The following TNNC2 variants were observed in gnomAD, a reference collection of about 807,000 sequenced individuals.
TNNC2 encodes troponin C2, fast skeletal type, also known as troponin C, skeletal muscle.
In TNNC2, 14 loss-of-function variants were observed where a neutral mutation model predicts 20.0. The observed-to-expected ratio is 0.70, with a 90% confidence interval of 0.46 to 1.09. TNNC2 has a LOEUF of 1.09. Among genes scored for constraint, TNNC2 ranks in the 50% least tolerant of loss-of-function variants. The pLI, the probability that TNNC2 is intolerant of heterozygous loss-of-function variation, is 0.00. For missense variants in TNNC2, 163 were observed against 223.8 expected (o/e 0.73, Z 1.73); for synonymous variants, 81 against 77.3 (o/e 1.05, Z -0.25).
chr20:45,829,160 GTTTTT>G (rs57079984), upstream of TNNC2, among the ~76,000 whole-genome samples: 3 of 98,282 alleles, frequency 3.1e-5, no homozygotes, highest in Admixed American at 2.5e-4. Flanking sequence ...TTTGTTTTTG[GTTTTT>G]TTTTTTTTTT....
At chr20:45,831,051 G>A (rs1451839248), upstream of TNNC2, among the ~76,000 whole-genome samples, 1 of 152,130 alleles carries the variant, frequency 6.6e-6, no homozygotes, top group East Asian at 1.9e-4. Context: ...CACATTGGGA[G>A]GCAGAGGTAG....
At chr20:45,830,388 C>T (rs1983081518), upstream of TNNC2, among the ~76,000 whole-genome samples, 1 of 151,178 alleles carries the variant, frequency 6.6e-6, no homozygotes, top group Non-Finnish European at 1.5e-5. Context: ...TTCTATGAAC[C>T]TTCAAGCCTT....
chr20:45,829,306 A>C (rs2145729214), upstream of TNNC2, among the ~76,000 whole-genome samples: 1 of 152,018 alleles, frequency 6.6e-6, no homozygotes, highest in South Asian at 2.1e-4. Flanking sequence ...CCGGAATTAC[A>C]GGCATGAGCC....
intron 1 of TNNC2, among the ~76,000 whole-genome samples, chr20:45,825,723 C>T (rs1011288752): frequency 3.9e-5 from 6 of 152,032 alleles, no homozygotes; most frequent in African/African-American, 1.2e-4. Context: ...GGGGTTCAAG[C>T]GATTCTTCTC....
upstream of TNNC2, among the ~76,000 whole-genome samples, chr20:45,831,263 C>A (rs1377845443): frequency 1.3e-5 from 2 of 151,972 alleles, no homozygotes. Context: ...TCCAGCCTCA[C>A]AACAGAGTGA....
upstream of TNNC2, among the ~76,000 whole-genome samples, chr20:45,831,565 A>T (rs920809802): frequency 6.6e-6 from 1 of 152,120 alleles, no homozygotes; most frequent in Non-Finnish European, 1.5e-5. Flanking sequence ...AGAGTGTGCC[A>T]TTGGACTCCA....
chr20:45,833,301 C>T (rs996362550), exon 2 of TNNC2: 1 of 152,376 alleles, frequency 6.6e-6, no homozygotes, highest in East Asian at 1.9e-4. Flanking sequence ...GTGTGAGGTT[C>T]AAATCAGATT....
Position 45,823,390 on chromosome 20 carries a change from G to A in TNNC2, c.452-11C>T. 6.3e-7 allele frequency: 1 copy of A among 1,591,150 alleles called. No individual in the cohort carries two copies. Among genetic ancestry groups the A allele is most frequent in the Non-Finnish European group, 8.6e-7 (1 of 1,169,268 alleles). ...TCATCTTCAGGAACTCTGAGGGAAAGGAGAGGGAGAGGGTCAGGGGTCCCA... is the reference window on the plus strand; with the variant it reads ...TCATCTTCAGGAACTCTGAGGGAAAAGAGAGGGAGAGGGTCAGGGGTCCCA... On this transcript the variant is annotated splice_polypyrimidine_tract_variant and intron_variant, in intron 5 of 5. Coordinates refer to ENST00000372555, the MANE Select transcript of TNNC2 (RefSeq NM_003279.3). The surrounding 1 kb of genome is among the most constrained non-coding windows in gnomAD (Gnocchi z 4.6).
upstream of TNNC2, among the ~76,000 whole-genome samples, chr20:45,828,197 C>CTTT (rs10630967): frequency 0.41 from 57,682 of 141,848 alleles, 13,497 homozygotes; most frequent in Non-Finnish European, 0.53. Flanking sequence ...CCACCCCTGG[C>CTTT]TTTTTTTTTT....
At chr20:45,827,105 C>T in intron 1 of TNNC2, 141 bp downstream of exon 1, 4 of 1,072,158 alleles carry the variant, frequency 3.7e-6, no homozygotes, top group Middle Eastern at 4.1e-4. Flanking sequence ...AGGCCTTCCT[C>T]CAAGACACCT....
At position 45,823,304 on chromosome 20, in the gene TNNC2, C is replaced by T. The variant is rs188125171; in HGVS notation, c.*44G>A. ...GGACCCGGCAGGGCGGAGTCTCCCA[C>T]ACCCTAGGGACACGCGATCTTGGTA... On this transcript the variant is annotated 3_prime_UTR_variant, in exon 6 of 6. Transcript: ENST00000372555. The surrounding 1 kb of genome is among the most constrained non-coding windows in gnomAD (Gnocchi z 4.6). 3.5e-3 allele frequency: 5,456 copies of T among 1,546,374 alleles called. 17 individuals are homozygous for T. The highest frequency in any genetic ancestry group is 3.9e-3 in the Non-Finnish European group (4,408 of 1,144,076).
chr20:45,825,304 T>C (rs1982938344), intron 1 of TNNC2, among the ~76,000 whole-genome samples: 1 of 150,172 alleles, frequency 6.7e-6, no homozygotes, highest in Non-Finnish European at 1.5e-5. Flanking sequence ...TTTTTGCTTT[T>C]TGTTTTTGTG....
At chr20:45,825,269 G>A (rs1204829687) in intron 1 of TNNC2, among the ~76,000 whole-genome samples, 1 of 151,998 alleles carries the variant, frequency 6.6e-6, no homozygotes, top group African/African-American at 2.4e-5. Context: ...GAGCCACTGT[G>A]CCCAGCTTCT....
chr20:45,832,466 C>T (rs1403891717), intron 2 of TNNC2, among the ~76,000 whole-genome samples: 2 of 152,164 alleles, frequency 1.3e-5, no homozygotes, highest in South Asian at 2.1e-4. Flanking sequence ...ACAGCCTCTT[C>T]CCCAGGACGC....
chr20:45,824,220 G>A (rs543690487), intron 4 of TNNC2, 72 bp downstream of exon 4: 1 of 1,600,908 alleles, frequency 6.2e-7, no homozygotes, highest in Admixed American at 1.7e-5. Context: ...CCCAACACGG[G>A]GAAGCTTCCA....
rs1453823599 is a variant in TNNC2 at position 45,823,836 on chromosome 20, C to T, written c.451+155G>A. ...ATAAACTGCACAGAGTCGTGGAGCGCTTCTATACCTGCCCCCAGGAGACTA... is the reference window on the plus strand; with the variant it reads ...ATAAACTGCACAGAGTCGTGGAGCGTTTCTATACCTGCCCCCAGGAGACTA... On this transcript the variant is annotated intron_variant, in intron 5 of 5. Transcript: ENST00000372555. The surrounding 1 kb of genome is among the most constrained non-coding windows in gnomAD (Gnocchi z 4.6). 6.6e-6 allele frequency among the ~76,000 whole-genome samples: 1 copy of T among 152,042 alleles called. No homozygotes were observed. Among genetic ancestry groups the T allele is most frequent in the Non-Finnish European group, 1.5e-5 (1 of 68,028 alleles).
At chr20:45,829,100 C>G (rs993846966), upstream of TNNC2, among the ~76,000 whole-genome samples, 9 of 151,924 alleles carry the variant, frequency 5.9e-5, no homozygotes, top group Non-Finnish European at 1.3e-4. Context: ...CATGCCTCAG[C>G]CTTCTGAGTA....
rs1223815555 is a variant in TNNC2 at position 45,823,286 on chromosome 20, G to T, written c.*62C>A. ...GTCGCGCCTCCCTGGTGGGGACCCG[G>T]CAGGGCGGAGTCTCCCACACCCTAG... is the stretch of plus-strand genomic sequence containing the variant. On this transcript the variant is annotated 3_prime_UTR_variant, in exon 6 of 6. Coordinates refer to ENST00000372555, the MANE Select transcript of TNNC2 (RefSeq NM_003279.3). The surrounding 1 kb of genome is among the most constrained non-coding windows in gnomAD (Gnocchi z 4.6). 1.4e-6 allele frequency: 2 copies of T among 1,468,404 alleles called. No homozygotes were observed. Among genetic ancestry groups the T allele is most frequent in the Admixed American group, 2.3e-5 (1 of 42,880 alleles). The allele number at this position is 1,468,404 out of a possible 1,614,324, so 91.0% of individuals were successfully genotyped here.
upstream of TNNC2, among the ~76,000 whole-genome samples, chr20:45,828,077 C>A (rs1983018303): frequency 6.6e-6 from 1 of 152,146 alleles, no homozygotes; most frequent in Non-Finnish European, 1.5e-5. Flanking sequence ...ACTCTGTCAC[C>A]AAGGCTGATG....
Sources: allele counts gnomAD v4.1 joint callset (sites outside exome capture counted in the v4.1 genomes callset), GRCh38; gene constraint gnomAD v4.1.1; non-coding constraint Gnocchi (gnomAD v3.1); transcripts MANE v1.5; gene names NCBI Gene and HGNC (gene_info 2026-07-23, HGNC 2026-07-21).